Variants in CASD1 observed in about 807,000 individuals in gnomAD.
CASD1 encodes N-acetylneuraminate (7)9-O-acetyltransferase.
CASD1 carries 41 observed loss-of-function variants against 100.0 expected under a neutral mutation model. The observed-to-expected ratio is 0.41, with a 90% CI of 0.32 to 0.53. The LOEUF is 0.53. Among genes scored for constraint, CASD1 ranks in the 20% least tolerant of loss-of-function variants. CASD1 has a pLI of 0.25. For synonymous variants in CASD1, 321 were observed against 315.6 expected (o/e 1.02, Z -0.18); for missense variants, 774 against 948.7 (o/e 0.82, Z 2.42).
intron 1 of CASD1, among the ~76,000 whole-genome samples, chr7:94,512,935 A>G (rs1440867083): frequency 1.3e-5 from 2 of 152,230 alleles, no homozygotes; most frequent in African/African-American, 4.8e-5. Flanking sequence ...AGTCTGTCTC[A>G]TGCCTTATGT....
chr7:94,534,260 A>G (rs992097832), intron 7 of CASD1, among the ~76,000 whole-genome samples: 4 of 142,214 alleles, frequency 2.8e-5, no homozygotes, highest in African/African-American at 1.1e-4. Flanking sequence ...TCCGCCTCCC[A>G]GGCTCAAGCG....
downstream of CASD1, among the ~76,000 whole-genome samples, chr7:94,561,195 G>A (rs1320234729): frequency 2.6e-5 from 4 of 152,090 alleles, no homozygotes; most frequent in Admixed American, 6.6e-5. Flanking sequence ...GCAATGAGCC[G>A]AGATCACGCT....
At chr7:94,632,037 G>A in the CASD1 span, among the ~76,000 whole-genome samples, 1 of 151,944 alleles carries the variant, frequency 6.6e-6, no homozygotes, top group Non-Finnish European at 1.5e-5. Flanking sequence ...CTAATACAAA[G>A]TACGGCAGAG....
chr7:94,581,294 T>C, the CASD1 span, among the ~76,000 whole-genome samples: 2 of 152,340 alleles, frequency 1.3e-5, no homozygotes, highest in East Asian at 3.9e-4. Flanking sequence ...TTTAATACAC[T>C]GTCCAACACT....
At chr7:94,609,891 CA>C in the CASD1 span, among the ~76,000 whole-genome samples, 4 of 152,264 alleles carry the variant, frequency 2.6e-5, no homozygotes, top group Non-Finnish European at 5.9e-5. Context: ...TATTTCCACA[CA>C]AAAGCCTGCA....
chr7:94,525,594 A>G (rs1794524136), intron 3 of CASD1, among the ~76,000 whole-genome samples: 1 of 152,220 alleles, frequency 6.6e-6, no homozygotes, highest in Non-Finnish European at 1.5e-5. Flanking sequence ...GCAAAGTAAG[A>G]CAAAGAAAGT....
chr7:94,580,375 A>ACTC, the CASD1 span, among the ~76,000 whole-genome samples: 1 of 152,004 alleles, frequency 6.6e-6, no homozygotes, highest in Non-Finnish European at 1.5e-5. Flanking sequence ...GGAACTCTAG[A>ACTC]CTCACTAGGC....
chr7:94,517,086 T>C (rs370152738), intron 1 of CASD1, among the ~76,000 whole-genome samples: 35 of 152,142 alleles, frequency 2.3e-4, no homozygotes, highest in African/African-American at 8.4e-4. Context: ...GTATTTTTAG[T>C]AGAGATGGTG....
At chr7:94,612,811 C>T in the CASD1 span, among the ~76,000 whole-genome samples, 27 of 152,174 alleles carry the variant, frequency 1.8e-4, no homozygotes, top group Non-Finnish European at 7.3e-5. Context: ...ATCTTCTTCT[C>T]TCTTGGTGAT....
chr7:94,576,134 G>A, the CASD1 span, among the ~76,000 whole-genome samples: 1 of 152,102 alleles, frequency 6.6e-6, no homozygotes, highest in Non-Finnish European at 1.5e-5. Context: ...TATGCTTATG[G>A]AATAAGACAG....
At chr7:94,587,469 A>G in the CASD1 span, 2 of 1,243,146 alleles carry the variant, frequency 1.6e-6, no homozygotes, top group East Asian at 6.7e-5. Context: ...TTAATAACGA[A>G]GAAGTTCTAT....
At chr7:94,594,612 A>G in the CASD1 span, 1 of 152,230 alleles carries the variant, frequency 6.6e-6, no homozygotes, top group African/African-American at 2.4e-5. Context: ...AAGTCTAGGT[A>G]ACAGTAAAGT....
chr7:94,597,436 A>G, the CASD1 span: 11 of 152,166 alleles, frequency 7.2e-5, no homozygotes, highest in Non-Finnish European at 1.6e-4. Flanking sequence ...TACCACATGC[A>G]TTCTACCTGG....
chr7:94,597,606 AGCCATT>A, the CASD1 span: 1 of 152,278 alleles, frequency 6.6e-6, no homozygotes, highest in Non-Finnish European at 1.5e-5. Flanking sequence ...TTTTCTGCAT[AGCCATT>A]CCATCTATAA....
the CASD1 span, among the ~76,000 whole-genome samples, chr7:94,607,273 C>T: frequency 1.3e-5 from 2 of 152,076 alleles, no homozygotes; most frequent in Non-Finnish European, 2.9e-5. Context: ...AGACAAAAGC[C>T]AAAAGAATAC....
chr7:94,607,910 C>T, the CASD1 span, among the ~76,000 whole-genome samples: 2 of 152,156 alleles, frequency 1.3e-5, no homozygotes, highest in African/African-American at 4.8e-5. Flanking sequence ...ATTACAGCAA[C>T]GTTGCAGGAA....
the CASD1 span, among the ~76,000 whole-genome samples, chr7:94,566,562 T>A: frequency 3.3e-5 from 5 of 152,178 alleles, no homozygotes; most frequent in Non-Finnish European, 7.3e-5. Context: ...TATGGCTGTT[T>A]CATAGTTGAA....
the CASD1 span, chr7:94,627,465 A>G: frequency 6.6e-6 from 1 of 152,040 alleles, no homozygotes; most frequent in Non-Finnish European, 1.5e-5. Flanking sequence ...AGAGCCCTCA[A>G]AGATCTGCCC....
the CASD1 span, among the ~76,000 whole-genome samples, chr7:94,630,134 A>G: frequency 6.6e-6 from 1 of 151,966 alleles, no homozygotes; most frequent in African/African-American, 2.4e-5. Flanking sequence ...AGCTATCCAT[A>G]ATATCTTTTT....
Sources: allele counts gnomAD v4.1 joint callset (sites outside exome capture counted in the v4.1 genomes callset), GRCh38; gene constraint gnomAD v4.1.1; transcripts MANE v1.5; gene names NCBI Gene and HGNC (gene_info 2026-07-23, HGNC 2026-07-21).